The following ARFGEF3 variants were observed in gnomAD, a reference collection of about 807,000 sequenced individuals.
The protein encoded by ARFGEF3 is ARFGEF family member 3, also known as brefeldin A-inhibited guanine nucleotide-exchange protein 3.
ARFGEF3 carries 96 observed loss-of-function variants against 221.7 expected under a neutral mutation model. The observed-to-expected ratio is 0.43, with a 90% CI of 0.37 to 0.51. The LOEUF (loss-of-function observed/expected upper bound fraction) is 0.51, where lower values mean the gene tolerates loss of function less well. ARFGEF3 is among the 20% of genes least tolerant of loss of function. The pLI, the probability that ARFGEF3 is intolerant of heterozygous loss-of-function variation, is 0.00. For synonymous variants in ARFGEF3, 1,145 were observed against 1,126.8 expected, an observed-to-expected ratio of 1.02 and a Z score of -0.32; for missense variants, 2,410 against 2,789.9, an observed-to-expected ratio of 0.86 and a Z score of 3.07.
Position 138,311,499 on chromosome 6 carries a change from C to A in ARFGEF3, c.4189C>A (p.Arg1397Ser). 6.3e-7 allele frequency: 1 copy of A among 1,592,578 alleles called. No individual in the cohort carries two copies. The highest frequency in any genetic ancestry group is 8.6e-7 in the Non-Finnish European group (1 of 1,168,986). Residue 1397 changes from arginine (R) to serine (S), a missense_variant, in exon 25 of 34, where the codon CGC becomes AGC. Around this residue, in one of 5 missense-constraint regions of ARFGEF3, gnomAD observed 723 missense variants for 991.9 expected, o/e 0.73. Transcript: ENST00000251691. ...CCTCCCGGCCCTGGATTACCTCAGG[C>A]GCTGCTCTCAGGTAGGGGAATGGTC... ...LCLPALDYLR[R>S]CSQLLAKIYK...
intron 14 of ARFGEF3, among the ~76,000 whole-genome samples, chr6:138,280,887 T>C (rs1779186113): frequency 6.6e-6 from 1 of 151,338 alleles, no homozygotes; most frequent in African/African-American, 2.4e-5. Context: ...TTTATCCATA[T>C]CAGAGGCCCT....
chr6:138,259,154 C>A (rs965534776), intron 10 of ARFGEF3, among the ~76,000 whole-genome samples: 3 of 152,164 alleles, frequency 2.0e-5, no homozygotes, highest in Non-Finnish European at 4.4e-5. Context: ...CAAAACCAAT[C>A]GTTTGGGAAA....
At chr6:138,325,454 C>G (rs913441834) in intron 31 of ARFGEF3, among the ~76,000 whole-genome samples, 2 of 152,196 alleles carry the variant, frequency 1.3e-5, no homozygotes, top group East Asian at 3.8e-4. Context: ...CATGATTCTG[C>G]TGGTTCTGAA....
At chr6:138,286,449 C>CAAAA (rs960871572) in intron 15 of ARFGEF3, among the ~76,000 whole-genome samples, 43 of 56,542 alleles carry the variant, frequency 7.6e-4, no homozygotes, top group Non-Finnish European at 1.3e-3. Flanking sequence ...GACTCCGTCT[C>CAAAA]AAAAAAAAAA....
chr6:138,265,485 G>A (rs1008352312), intron 12 of ARFGEF3, among the ~76,000 whole-genome samples: 2 of 151,806 alleles, frequency 1.3e-5, no homozygotes, highest in Non-Finnish European at 2.9e-5. Context: ...CAAAATTCAC[G>A]TTTTATTGGA....
At chr6:138,301,671 G>A (rs189355728) in intron 22 of ARFGEF3, among the ~76,000 whole-genome samples, 245 of 152,308 alleles carry the variant, frequency 1.6e-3, no homozygotes, top group African/African-American at 5.4e-3. Flanking sequence ...TGAAACATGG[G>A]CATGTACAGG....
chr6:138,294,926 T>C (rs1466682345), intron 20 of ARFGEF3, among the ~76,000 whole-genome samples: 1 of 152,136 alleles, frequency 6.6e-6, no homozygotes, highest in Admixed American at 6.5e-5. Flanking sequence ...AAGTTCTAAG[T>C]GTAGTATATT....
intron 1 of ARFGEF3, among the ~76,000 whole-genome samples, chr6:138,170,295 G>A (rs1365669016): frequency 2.6e-5 from 4 of 152,154 alleles, no homozygotes; most frequent in Non-Finnish European, 5.9e-5. Context: ...TATTGTGTAA[G>A]GATATTGAAA....
intron 5 of ARFGEF3, among the ~76,000 whole-genome samples, chr6:138,232,345 A>G (rs1456882652): frequency 1.3e-5 from 2 of 152,202 alleles, no homozygotes; most frequent in Non-Finnish European, 2.9e-5. Flanking sequence ...CATCTCTACT[A>G]AAAATACAAA....
rs571857546 is a variant in ARFGEF3 at position 138,270,239 on chromosome 6, T to C, written c.2128+6628T>C. ...AATGGTTTTATATAGTAACAAGCAG[T>C]TTCTAATACAGCACCATATTTTGTT... On this transcript the variant is annotated intron_variant, in intron 12 of 33. Coordinates refer to ENST00000251691, the MANE Select transcript of ARFGEF3 (RefSeq NM_020340.5). Among the ~76,000 whole-genome samples, 17 of 152,278 alleles carry C rather than the reference T, an allele frequency of 1.1e-4. No individual in the cohort carries two copies. In the South Asian group the frequency reaches 3.1e-3, roughly 28 times the overall value.
At position 138,278,590 on chromosome 6, in the gene ARFGEF3, G is replaced by A. The variant is rs751259484; in HGVS notation, c.2268G>A (p.Lys756=). The change falls in exon 13 of 34, where the codon AAG becomes AAA. Residue 756 remains lysine (K), a synonymous_variant. Transcript: ENST00000251691. Reference sequence around the variant, plus strand: ...TCTCCCACGGTGACTACTACAGGAAGCGGCCGACCCTGGCGCCAGGCGTGA... The same window carrying A: ...TCTCCCACGGTGACTACTACAGGAAACGGCCGACCCTGGCGCCAGGCGTGA... ...LKLSHGDYYR[K]RPTLAPGVMK... The A allele has an allele frequency of 6.2e-7, 1 of 1,613,974 alleles. No homozygotes were observed. The highest frequency in any genetic ancestry group is 1.1e-5 in the South Asian group (1 of 91,072).
chr6:138,271,306 A>C (rs926209160), intron 12 of ARFGEF3, among the ~76,000 whole-genome samples: 3 of 152,238 alleles, frequency 2.0e-5, no homozygotes, highest in Non-Finnish European at 4.4e-5. Flanking sequence ...GTCTCTACAA[A>C]AAAAGAAAAC....
At position 138,228,584 on chromosome 6, in the gene ARFGEF3, G is replaced by A. The variant is rs148327691; in HGVS notation, c.352-1200G>A. On this transcript the variant is annotated intron_variant, in intron 4 of 33. Transcript: ENST00000251691. ...ACCTGCAATTAATACCCACCCTTGTGACTAAATATGGCAAAAAAAAATCTT... is the reference window on the plus strand; with the variant it reads ...ACCTGCAATTAATACCCACCCTTGTAACTAAATATGGCAAAAAAAAATCTT... 5.9e-5 allele frequency among the ~76,000 whole-genome samples: 9 copies of A among 152,046 alleles called. No homozygotes were observed. In the East Asian group the frequency reaches 1.7e-3, roughly 29 times the overall value.
intron 4 of ARFGEF3, among the ~76,000 whole-genome samples, chr6:138,214,729 G>T (rs1410304852): frequency 1.3e-5 from 2 of 152,156 alleles, no homozygotes; most frequent in South Asian, 2.1e-4. Flanking sequence ...GGCCAATAAT[G>T]AAATCCAATA....
At chr6:138,278,666 C>T (rs1455535980) in intron 13 of ARFGEF3, 49 bp downstream of exon 13, 2 of 1,592,838 alleles carry the variant, frequency 1.3e-6, no homozygotes, top group Non-Finnish European at 8.6e-7. Flanking sequence ...GCTGTAACTT[C>T]CTGGTGTACA....
chr6:138,196,876 C>A (rs2114477685), intron 2 of ARFGEF3, among the ~76,000 whole-genome samples: 1 of 152,236 alleles, frequency 6.6e-6, no homozygotes. Flanking sequence ...TCTTGTGGCC[C>A]AGGCTGGAGT....
Position 138,303,093 on chromosome 6 carries a change from G to A in ARFGEF3, c.3829-4160G>A, listed in dbSNP as rs371637975. On this transcript the variant is annotated intron_variant, in intron 22 of 33. Coordinates refer to ENST00000251691, the MANE Select transcript of ARFGEF3 (RefSeq NM_020340.5). ...TGAAGATGTAATATAAATAACATTA[G>A]CAGAAAGGAGGGATGGGAAATGGAG... 2.1e-4 allele frequency among the ~76,000 whole-genome samples: 32 copies of A among 152,246 alleles called. No homozygotes were observed. In the East Asian group the frequency reaches 5.6e-3, roughly 27 times the overall value.
intron 21 of ARFGEF3, among the ~76,000 whole-genome samples, chr6:138,298,283 T>G (rs1779558412): frequency 6.6e-6 from 1 of 152,230 alleles, no homozygotes; most frequent in Non-Finnish European, 1.5e-5. Flanking sequence ...GAGCCATTCC[T>G]AGACTGGGTT....
intron 10 of ARFGEF3, among the ~76,000 whole-genome samples, chr6:138,258,944 C>T (rs1348555570): frequency 2.6e-5 from 4 of 152,178 alleles, no homozygotes; most frequent in African/African-American, 7.2e-5. Flanking sequence ...TAAATAATTT[C>T]CTTTGTACTG....
Sources: allele counts gnomAD v4.1 joint callset (sites outside exome capture counted in the v4.1 genomes callset), GRCh38; gene constraint gnomAD v4.1.1; regional missense constraint gnomAD v4.1.1; transcripts MANE v1.5; gene names NCBI Gene and HGNC (gene_info 2026-07-23, HGNC 2026-07-21).